Variants in TFEB observed in about 807,000 individuals in gnomAD.
TFEB encodes the protein T-cell transcription factor EB.
Under a neutral mutation model 48.0 loss-of-function variants are expected in TFEB, and 12 were observed. The ratio of observed to expected loss-of-function variants is 0.25; its 90% CI spans 0.16 to 0.40. The LOEUF is 0.40. Ranked by LOEUF, TFEB falls within the 10% of genes least tolerant of loss-of-function variation. The pLI is 1.00. For synonymous variants in TFEB, 244 were observed against 261.4 expected, an observed-to-expected ratio of 0.93 and a Z score of 0.64; for missense variants, 509 against 640.3, an observed-to-expected ratio of 0.79 and a Z score of 2.21.
rs974841550 is a variant in TFEB, at chr6:41,730,227, T to C, written c.-23+5123A>G. On this transcript the variant is annotated intron_variant, in intron 1 of 8. Transcript: ENST00000373033. The surrounding 1 kb of genome is among the most constrained non-coding windows in gnomAD (Gnocchi z 4.1). ...AGGTGATCATAATACCCAGCCAGGCTGCAGTAAGATGGAACAGTGCCCCGG... is the reference window on the plus strand; with the variant it reads ...AGGTGATCATAATACCCAGCCAGGCCGCAGTAAGATGGAACAGTGCCCCGG... 6.6e-6 allele frequency among the ~76,000 whole-genome samples: 1 copy of C among 152,200 alleles called. No homozygotes were observed. Among genetic ancestry groups the C allele is most frequent in the Non-Finnish European group, 1.5e-5 (1 of 68,034 alleles).
intron 1 of TFEB, among the ~76,000 whole-genome samples, chr6:41,717,223 G>A (rs1463688216): frequency 6.6e-6 from 1 of 152,152 alleles, no homozygotes; most frequent in Admixed American, 6.5e-5. Flanking sequence ...ATGTTCAGGG[G>A]AACTGAGAGC....
At chr6:41,702,702 TGG>T (rs1769997604) in intron 1 of TFEB, among the ~76,000 whole-genome samples, 1 of 152,176 alleles carries the variant, frequency 6.6e-6, no homozygotes, top group South Asian at 2.1e-4. Context: ...ATTGTGGACT[TGG>T]GGCCCACAAG....
rs1354376386 is a variant in TFEB, at chr6:41,691,250, G to A, written c.-22-15C>T. ...GCGCTGGCTCCCTGTGGATGAGAAG[G>A]GGCAGCAGGTATATGAGGCACGTGT... On this transcript the variant is annotated splice_polypyrimidine_tract_variant and intron_variant, in intron 1 of 8. Transcript: ENST00000373033. This position sits in a 1 kb window ranked among gnomAD's most constrained non-coding sequence, Gnocchi z 5.2. 1.7e-5 allele frequency: 26 copies of A among 1,557,178 alleles called. No homozygotes were observed. Among genetic ancestry groups the A allele is most frequent in the Non-Finnish European group, 2.2e-5 (25 of 1,149,088 alleles).
chr6:41,688,732 C>T (rs1178312892), intron 4 of TFEB, among the ~76,000 whole-genome samples: 3 of 152,176 alleles, frequency 2.0e-5, no homozygotes, highest in Non-Finnish European at 4.4e-5. Flanking sequence ...CCCTCCTCAG[C>T]CCTCGCTGCC....
chr6:41,704,848 C>A (rs1183639071), intron 1 of TFEB, among the ~76,000 whole-genome samples: 1 of 152,206 alleles, frequency 6.6e-6, no homozygotes, highest in African/African-American at 2.4e-5. Flanking sequence ...GATTCTCAGG[C>A]TCAAGAGCCA....
chr6:41,696,834 G>A (rs1339838328), intron 1 of TFEB, among the ~76,000 whole-genome samples: 2 of 152,138 alleles, frequency 1.3e-5, no homozygotes, highest in African/African-American at 4.8e-5. Context: ...AAAGAACCAA[G>A]GCACAAAAGT....
intron 1 of TFEB, among the ~76,000 whole-genome samples, chr6:41,721,390 C>CAT (rs1770976836): frequency 6.6e-6 from 1 of 151,802 alleles, no homozygotes; most frequent in Non-Finnish European, 1.5e-5. Context: ...CACACACACA[C>CAT]ACACACACAC....
Position 41,684,409 on chromosome 6 carries a change from TG to T in TFEB, c.*189del. 2 of 602,002 alleles carry T rather than the reference TG, an allele frequency of 3.3e-6. No homozygotes were observed. The highest frequency in any genetic ancestry group is 5.1e-6 in the Non-Finnish European group (2 of 389,422). The allele number at this position is 602,002 out of a possible 1,614,324, so 37.3% of individuals were successfully genotyped here. ...ACTGCGCCAGTCAAGAGGGCTGCCC[TG>T]GGGGTGCTTCTCCTGACCCCACAGG... On this transcript the variant is annotated 3_prime_UTR_variant, in exon 9 of 9. Coordinates refer to ENST00000373033, the MANE Select transcript of TFEB (RefSeq NM_001271944.2).
intron 1 of TFEB, among the ~76,000 whole-genome samples, chr6:41,696,056 C>G (rs1769563803): frequency 6.6e-6 from 1 of 152,258 alleles, no homozygotes; most frequent in Non-Finnish European, 1.5e-5. Flanking sequence ...GCATTTGGAG[C>G]TGGAGGGCCA....
At chr6:41,687,722 G>GAGGCAGGGAGAGGGGCGGGGC in intron 6 of TFEB, 31 bp downstream of exon 6, 1 of 1,613,960 alleles carries the variant, frequency 6.2e-7, no homozygotes, top group Non-Finnish European at 8.5e-7. Flanking sequence ...AAGGAAGAGG[G>GAGGCAGGGAGAGGGGCGGGGC]AGGCAGGGAG....
intron 1 of TFEB, among the ~76,000 whole-genome samples, chr6:41,703,420 C>T (rs1284170226): frequency 2.6e-5 from 4 of 152,212 alleles, no homozygotes; most frequent in Non-Finnish European, 5.9e-5. Flanking sequence ...ACTCCAACCC[C>T]GCCAGTGCCT....
intron 1 of TFEB, among the ~76,000 whole-genome samples, chr6:41,710,767 T>C (rs1325465114): frequency 6.6e-6 from 1 of 152,132 alleles, no homozygotes; most frequent in Non-Finnish European, 1.5e-5. Flanking sequence ...CAACCCAATC[T>C]GGGCCCCCAG....
At chr6:41,706,134 C>G (rs1770207734) in intron 1 of TFEB, among the ~76,000 whole-genome samples, 1 of 152,204 alleles carries the variant, frequency 6.6e-6, no homozygotes, top group South Asian at 2.1e-4. Context: ...GGAGAGGGGC[C>G]TAGCAAGGAC....
At position 41,690,728 on chromosome 6, in the gene TFEB, C is replaced by T. The variant is rs747374333; in HGVS notation, c.403G>A (p.Ala135Thr). The T allele has an allele frequency of 1.0e-5, 16 of 1,589,162 alleles. No homozygotes were observed. Among genetic ancestry groups the T allele is most frequent in the Middle Eastern group, 3.4e-4 (2 of 5,952 alleles). ...VRAGHVLSSSAGNSAPNSPMA... is the reference protein window; with the variant it reads ...VRAGHVLSSSTGNSAPNSPMA... Reference sequence around the variant, plus strand: ...GGGCTATTGGGAGCACTGTTGCCAGCGGAGGAGGACAGCACGTGTCCAGCT... The same window carrying T: ...GGGCTATTGGGAGCACTGTTGCCAGTGGAGGAGGACAGCACGTGTCCAGCT... The change falls in exon 3 of 9, where the codon GCT becomes ACT. Residue 135 changes from alanine (A) to threonine (T), a missense_variant. Ala to Thr is a moderately conservative substitution (Grantham distance 58). Coordinates refer to ENST00000373033, the MANE Select transcript of TFEB (RefSeq NM_001271944.2).
intron 1 of TFEB, among the ~76,000 whole-genome samples, chr6:41,718,591 A>T (rs1480822005): frequency 6.6e-6 from 1 of 152,032 alleles, no homozygotes; most frequent in East Asian, 1.9e-4. Context: ...CGTACAATAC[A>T]TCTCAAGGAA....
intron 1 of TFEB, among the ~76,000 whole-genome samples, chr6:41,718,768 T>C (rs527817272): frequency 3.9e-5 from 6 of 152,078 alleles, no homozygotes; most frequent in Admixed American, 1.3e-4. Flanking sequence ...TGGAATAGAT[T>C]TGGAGCCACC....
At chr6:41,728,556 G>A (rs1202788889) in intron 1 of TFEB, among the ~76,000 whole-genome samples, 1 of 152,164 alleles carries the variant, frequency 6.6e-6, no homozygotes, top group Non-Finnish European at 1.5e-5. Context: ...GACTGTGGGG[G>A]GCCGCGGCAG....
At chr6:41,705,071 T>C (rs1232231588) in intron 1 of TFEB, among the ~76,000 whole-genome samples, 3 of 152,158 alleles carry the variant, frequency 2.0e-5, no homozygotes, top group Non-Finnish European at 4.4e-5. Context: ...TGTCCACACA[T>C]ACACACTCAC....
intron 1 of TFEB, among the ~76,000 whole-genome samples, chr6:41,729,253 G>C (rs1186779712): frequency 6.6e-6 from 1 of 151,960 alleles, no homozygotes; most frequent in African/African-American, 2.4e-5. Flanking sequence ...ACTCTCTCAA[G>C]GCCCAGGACC....
Sources: allele counts gnomAD v4.1 joint callset (sites outside exome capture counted in the v4.1 genomes callset), GRCh38; gene constraint gnomAD v4.1.1; non-coding constraint Gnocchi (gnomAD v3.1); transcripts MANE v1.5; gene names NCBI Gene and HGNC (gene_info 2026-07-23, HGNC 2026-07-21).